NPC1: variants seen among roughly 807,000 people sequenced by gnomAD.
The protein encoded by NPC1 is NPC intracellular cholesterol transporter 1, also known as Niemann-Pick C1 protein.
Under a neutral mutation model 140.4 loss-of-function variants are expected in NPC1, and 85 were observed. The ratio of observed to expected loss-of-function variants is 0.61; its 90% CI spans 0.51 to 0.72. NPC1 has a LOEUF of 0.72. Ranked by LOEUF, NPC1 falls within the 30% of genes least tolerant of loss-of-function variation. The pLI is 0.00. For missense variants in NPC1, 1,504 were observed against 1,623.8 expected (o/e 0.93, Z 1.27); for synonymous variants, 656 against 624.8 (o/e 1.05, Z -0.74).
chr18:23,551,779 AG>A, intron 9 of NPC1, 52 bp from the exon 10 acceptor site: 1 of 1,183,130 alleles, frequency 8.5e-7, no homozygotes, highest in Non-Finnish European at 1.3e-6. Context: ...TCAAGACATC[AG>A]GGACCTAAAC....
Position 23,560,425 on chromosome 18 carries a change from C to T in NPC1, c.687G>A (p.Glu229=), listed in dbSNP as rs1229968387. ...PMNNATKGCD[E]SVDEVTAPCS... ...ATGGTGCTGTGACCTCATCCACAGA[C>T]TCGTCACAGCCTTTGGTGGCATTGT... Residue 229 remains glutamate, a synonymous_variant, in exon 6 of 25, where the codon GAG becomes GAA. Transcript: ENST00000269228. 1 of 1,614,172 alleles carries T rather than the reference C, an allele frequency of 6.2e-7. No homozygotes were observed. Among genetic ancestry groups the T allele is most frequent in the South Asian group, 1.1e-5 (1 of 91,084 alleles).
chr18:23,533,849 C>G (rs1310580190), intron 23 of NPC1: 2 of 381,536 alleles, frequency 5.2e-6, no homozygotes, highest in Admixed American at 7.6e-5. Flanking sequence ...GCAATGGGAA[C>G]TGAACCCAGG....
intron 18 of NPC1, 161 bp from the exon 19 acceptor site, chr18:23,539,631 A>C: frequency 1.2e-6 from 1 of 804,592 alleles, no homozygotes; most frequent in Non-Finnish European, 2.0e-6. Context: ...TCAAAGTATT[A>C]GGTGGTAAAT....
Position 23,533,510 on chromosome 18 carries a change from C to G in NPC1, c.3599G>C (p.Ser1200Thr), listed in dbSNP as rs2058573934. Residue 1200 changes from serine (S) to threonine (T), a missense_variant, in exon 24 of 25, where the codon AGT becomes ACT. Ser to Thr is a moderately conservative substitution (Grantham distance 58). Transcript: ENST00000269228. Reference protein sequence around the residue: ...ALAHMGSSVFSGITLTKFGGI... With the variant: ...ALAHMGSSVFTGITLTKFGGI... ...TCCAAATTTTGTAAGTGTGATTCCA[C>G]TGAACACCTAAAAGAAGAGATACTG... 1 of 1,614,092 alleles carries G rather than the reference C, an allele frequency of 6.2e-7. No homozygotes were observed. Among genetic ancestry groups the G allele is most frequent in the Non-Finnish European group, 8.5e-7 (1 of 1,180,020 alleles).
downstream of NPC1, among the ~76,000 whole-genome samples, chr18:23,524,941 CTT>C (rs5823396): frequency 0.016 from 1,124 of 69,116 alleles, 4 homozygotes; most frequent in African/African-American, 0.065. Flanking sequence ...TTAGAGAAAT[CTT>C]TTTTTTTTTT....
In NPC1 at chr18:23,532,218, C is replaced by T. The variant is rs151305963; in HGVS notation, c.3821G>A (p.Arg1274Gln). 229 of 1,614,022 alleles carry T rather than the reference C, an allele frequency of 1.4e-4. No homozygotes were observed. Among genetic ancestry groups the T allele is most frequent in the Non-Finnish European group, 1.8e-4 (218 of 1,180,040 alleles). The change falls in exon 25 of 25, where the codon CGG becomes CAG. Residue 1274 changes from arginine (R) to glutamine (Q), a missense_variant. Arg to Gln is a conservative substitution (Grantham distance 43). Coordinates refer to ENST00000269228, the MANE Select transcript of NPC1 (RefSeq NM_000271.5). ...GCGAGAGGGCTAGAAATTTAGAAGCCGTTCGCGCTCTGTTCCTTTGTATCG... is the reference window on the plus strand; with the variant it reads ...GCGAGAGGGCTAGAAATTTAGAAGCTGTTCGCGCTCTGTTCCTTTGTATCG... ...EERYKGTERE[R>Q]LLNF
intron 3 of NPC1, among the ~76,000 whole-genome samples, chr18:23,569,768 G>C (rs1001949961): frequency 6.6e-6 from 1 of 152,216 alleles, no homozygotes; most frequent in Non-Finnish European, 1.5e-5. Context: ...TAAAGATAGA[G>C]AACAGCAATG....
At chr18:23,565,503 G>A (rs1332059933) in intron 4 of NPC1, among the ~76,000 whole-genome samples, 1 of 152,068 alleles carries the variant, frequency 6.6e-6, no homozygotes, top group Non-Finnish European at 1.5e-5. Flanking sequence ...TTACAAGCGA[G>A]CGCCACCACG....
In NPC1 at chr18:23,544,948, C is replaced by CCCCT. The variant is rs1555634668; in HGVS notation, c.1947+11_1947+12insAGGG. ...TAACCTCTAGAACATACACCACCCCCCCCCGGCTTACCAGAAGCCTGCGAC... is the reference window on the plus strand; with the variant it reads ...TAACCTCTAGAACATACACCACCCCCCCCTCCCCGGCTTACCAGAAGCCTGCGAC... On this transcript the variant is annotated intron_variant, in intron 12 of 24. Coordinates refer to ENST00000269228, the MANE Select transcript of NPC1 (RefSeq NM_000271.5). 1.2e-5 allele frequency: 16 copies of CCCCT among 1,379,530 alleles called. No individual in the cohort carries two copies. Among genetic ancestry groups the CCCCT allele is most frequent in the East Asian group, 7.7e-5 (3 of 38,752 alleles). 85.5% of individuals were successfully genotyped at this position (1,379,530 alleles called of 1,614,324 possible).
chr18:23,533,013 G>C, intron 24 of NPC1: 1 of 906,698 alleles, frequency 1.1e-6, no homozygotes, highest in Non-Finnish European at 1.3e-6. Flanking sequence ...GCTGGTGTGA[G>C]AGCTGGCTGC....
Position 23,586,423 on chromosome 18 carries a change from T to A in NPC1, c.-80A>T. 2 of 1,524,276 alleles carry A rather than the reference T, an allele frequency of 1.3e-6. No individual in the cohort carries two copies. The highest frequency in any genetic ancestry group is 2.4e-5 in the South Asian group (2 of 82,868). 94.4% of individuals were successfully genotyped at this position (1,524,276 alleles called of 1,614,324 possible). A position where few individuals can be genotyped will look rare whatever the true frequency, so the allele number is the denominator to read the frequency against. On this transcript the variant is annotated 5_prime_UTR_variant, in exon 1 of 25. Transcript: ENST00000269228. ...CGGAGGCGGCTCTACTTCCCCGGGC[T>A]GTTTCAGCACCCCGCGCAGGAGGAG...
intron 20 of NPC1, among the ~76,000 whole-genome samples, chr18:23,537,870 T>G (rs114427429): frequency 1.3e-5 from 2 of 152,162 alleles, no homozygotes; most frequent in Non-Finnish European, 2.9e-5. Context: ...ATATAAATGA[T>G]TCACTGATAT....
At chr18:23,586,153 AACCTCCGAGCTCTCCATCGCCAG>A (rs1480017277) in intron 1 of NPC1, 111 bp downstream of exon 1, 10 of 912,004 alleles carry the variant, frequency 1.1e-5, no homozygotes, top group Non-Finnish European at 1.6e-5. Flanking sequence ...ACAAGTGAGG[AACCTCCGAGCTCTCCATCGCCAG>A]ACCAACTTCC....
At chr18:23,533,200 T>C (rs2058566432) in intron 24 of NPC1, 155 bp downstream of exon 24, 2 of 892,726 alleles carry the variant, frequency 2.2e-6, no homozygotes, top group South Asian at 3.3e-5. Flanking sequence ...GGATGGGTTT[T>C]TTCTTTTAGA....
rs534104606 is a variant in NPC1 at position 23,541,105 on chromosome 18, G to T, written c.2477C>A (p.Ser826Tyr). 1 of 1,614,222 alleles carries T rather than the reference G, an allele frequency of 6.2e-7. No individual in the cohort carries two copies. Among genetic ancestry groups the T allele is most frequent in the African/African-American group, 1.3e-5 (1 of 75,062 alleles). ...CLFRFFKNSY[S>Y]PLLLKDWMRP... ...CATCCAGTCCTTTAGCAGAAGTGGA[G>T]AATAGGAGTTTTTGAAGAAGCGAAA... is the stretch of plus-strand genomic sequence containing the variant. The change falls in exon 16 of 25, where the codon TCT becomes TAT. Residue 826 changes from serine to tyrosine, a missense_variant. Coordinates refer to ENST00000269228, the MANE Select transcript of NPC1 (RefSeq NM_000271.5).
chr18:23,536,922 AT>A (rs769381800), intron 20 of NPC1, 46 bp from the exon 21 acceptor site: 1 of 1,514,846 alleles, frequency 6.6e-7, no homozygotes, highest in Non-Finnish European at 9.1e-7. Flanking sequence ...GTCTTGCAAA[AT>A]ATCAGCAGAA....
intron 8 of NPC1, among the ~76,000 whole-genome samples, chr18:23,555,444 T>C (rs1276714501): frequency 2.0e-5 from 3 of 152,388 alleles, no homozygotes; most frequent in African/African-American, 7.2e-5. Context: ...GGTAAATGAC[T>C]ATGCTGTTCA....
chr18:23,529,553 A>G, downstream of NPC1: 1 of 1,349,630 alleles, frequency 7.4e-7, no homozygotes, highest in Admixed American at 1.7e-5. Context: ...GATGGAAACA[A>G]GGTGGGGGTT....
At chr18:23,551,198 A>G (rs1478212917) in intron 10 of NPC1, among the ~76,000 whole-genome samples, 2 of 152,086 alleles carry the variant, frequency 1.3e-5, no homozygotes, top group Non-Finnish European at 2.9e-5. Flanking sequence ...GGCTTAGAAG[A>G]AAAAAAATCC....
Sources: allele counts gnomAD v4.1 joint callset (sites outside exome capture counted in the v4.1 genomes callset), GRCh38; gene constraint gnomAD v4.1.1; transcripts MANE v1.5; gene names NCBI Gene and HGNC (gene_info 2026-07-23, HGNC 2026-07-21).